The following ZBTB42 variants were observed in gnomAD, a reference collection of about 807,000 sequenced individuals.
ZBTB42 encodes zinc finger and BTB domain containing 42, also known as zinc finger and BTB domain-containing protein 42.
ZBTB42 carries 3 observed loss-of-function variants against 4.7 expected under a neutral mutation model. The ratio of observed to expected loss-of-function variants is 0.64; its 90% CI spans 0.29 to 1.66. ZBTB42 has a LOEUF of 1.66. Ranked by LOEUF, ZBTB42 falls within the 40% of genes most tolerant of loss-of-function variation. ZBTB42 has a pLI of 0.10. For missense variants in ZBTB42, 521 were observed against 577.1 expected, an observed-to-expected ratio of 0.90 and a Z score of 1.00; for synonymous variants, 255 against 259.5, an observed-to-expected ratio of 0.98 and a Z score of 0.17.
In ZBTB42 at chr14:104,802,278, C is replaced by T; in HGVS notation, c.1081C>T (p.Pro361Ser). The part of the protein sequence containing the change: ...RHERTHSGEK[P>S]YTCVQCGKSF... Reference sequence around the variant, plus strand: ...CGAGCGGACACACTCGGGTGAGAAGCCCTATACGTGTGTGCAGTGTGGCAA... The same window carrying T: ...CGAGCGGACACACTCGGGTGAGAAGTCCTATACGTGTGTGCAGTGTGGCAA... Residue 361 changes from proline (P) to serine (S), a missense_variant, in exon 1 of 1, where the codon CCC becomes TCC. Transcript: ENST00000342537. This position sits in a 1 kb window ranked among gnomAD's most constrained non-coding sequence, Gnocchi z 5.9. The T allele has an allele frequency of 6.4e-7, 1 of 1,550,398 alleles. No homozygotes were observed. The highest frequency in any genetic ancestry group is 8.7e-7 in the Non-Finnish European group (1 of 1,146,976).
chr14:104,801,572 G>C lies in ZBTB42; in HGVS notation c.375G>C (p.Leu125=). 1 of 1,549,928 alleles carries C rather than the reference G, an allele frequency of 6.5e-7. No homozygotes were observed. The highest frequency in any genetic ancestry group is 8.7e-7 in the Non-Finnish European group (1 of 1,146,670). Residue 125 remains leucine (L), a synonymous_variant, in exon 1 of 1, where the codon CTG becomes CTC. Coordinates refer to ENST00000342537, the MANE Select transcript of ZBTB42 (RefSeq NM_001137601.3). The surrounding 1 kb of genome is among the most constrained non-coding windows in gnomAD (Gnocchi z 4.4). ...GGCTCCAGGAGAAGGATCGAAGTCTGGACCCGGGGAACCCTGCCCCTGGGG... is the reference window on the plus strand; with the variant it reads ...GGCTCCAGGAGAAGGATCGAAGTCTCGACCCGGGGAACCCTGCCCCTGGGG... ...KGRLQEKDRS[L]DPGNPAPGAE...
chr14:104,801,919 GC>G lies in ZBTB42; in HGVS notation c.727del (p.His243ThrfsTer107). On this transcript the variant is annotated frameshift_variant, in exon 1 of 1. Coordinates refer to ENST00000342537, the MANE Select transcript of ZBTB42 (RefSeq NM_001137601.3). LOFTEE classifies it low-confidence loss of function (END_TRUNC). The surrounding 1 kb of genome is among the most constrained non-coding windows in gnomAD (Gnocchi z 4.4). Reference sequence around the variant, plus strand: ...CAGGAGGAGAGCAGCAGCTCTAGGAGCCCCCACAGTCCCCCGAAGCCACCTC... The same window carrying G: ...CAGGAGGAGAGCAGCAGCTCTAGGAGCCCCACAGTCCCCCGAAGCCACCTC... The part of the protein sequence containing the change: ...SEQEESSSSR[S>X]PHSPPKPPPV... 1 of 1,542,760 alleles carries G rather than the reference GC, an allele frequency of 6.5e-7. No individual in the cohort carries two copies. The highest frequency in any genetic ancestry group is 8.7e-7 in the Non-Finnish European group (1 of 1,145,204).
upstream of ZBTB42, chr14:104,801,030 T>C (rs1894028827): frequency 1.2e-6 from 1 of 837,050 alleles, no homozygotes; most frequent in South Asian, 2.8e-5. This position sits in a 1 kb window ranked among gnomAD's most constrained non-coding sequence, Gnocchi z 4.4. Context: ...TTCGATCGAG[T>C]TTTTCCTGCT....
In ZBTB42 at chr14:104,802,480, G is replaced by T; in HGVS notation, c.*14G>T. On this transcript the variant is annotated 3_prime_UTR_variant, in exon 1 of 1. Coordinates refer to ENST00000342537, the MANE Select transcript of ZBTB42 (RefSeq NM_001137601.3). The surrounding 1 kb of genome is among the most constrained non-coding windows in gnomAD (Gnocchi z 5.9). ...CTTCTGGTGTGATGCATCCCTGTGGGTCCTGAGGGTGGGGTGGAAGGGAAG... is the reference window on the plus strand; with the variant it reads ...CTTCTGGTGTGATGCATCCCTGTGGTTCCTGAGGGTGGGGTGGAAGGGAAG... 6.5e-7 allele frequency: 1 copy of T among 1,542,028 alleles called. No homozygotes were observed. Among genetic ancestry groups the T allele is most frequent in the Non-Finnish European group, 8.8e-7 (1 of 1,141,434 alleles).
rs1458380738 is a variant in ZBTB42 at position 104,801,857 on chromosome 14, G to C, written c.660G>C (p.Gln220His). The C allele has an allele frequency of 1.9e-6, 3 of 1,550,050 alleles. No individual in the cohort carries two copies. The highest frequency in any genetic ancestry group is 2.6e-6 in the Non-Finnish European group (3 of 1,146,898). Residue 220 changes from glutamine to histidine, a missense_variant, in exon 1 of 1, where the codon CAG (glutamine) becomes CAC (histidine). Gln to His is a conservative substitution (Grantham distance 24). Transcript: ENST00000342537. The surrounding 1 kb of genome is among the most constrained non-coding windows in gnomAD (Gnocchi z 4.4). ...PLCSQRQPGA[Q>H]PLVKDERDSL... ...GCAGCCAGAGGCAGCCAGGGGCCCA[G>C]CCACTGGTGAAGGACGAACGGGACT...
rs1313082618 is a variant in ZBTB42 at position 104,801,701 on chromosome 14, C to G, written c.504C>G (p.Leu168=). ...KLPPFGVKAA[L]PPRASGPPPC... is the part of the protein sequence containing the mutation. Reference sequence around the variant, plus strand: ...CCCCGTTTGGGGTCAAGGCTGCCCTCCCTCCTCGAGCATCTGGGCCTCCTC... The same window carrying G: ...CCCCGTTTGGGGTCAAGGCTGCCCTGCCTCCTCGAGCATCTGGGCCTCCTC... The change falls in exon 1 of 1, where the codon CTC becomes CTG. Residue 168 remains leucine (L), a synonymous_variant. Transcript: ENST00000342537. The surrounding 1 kb of genome is among the most constrained non-coding windows in gnomAD (Gnocchi z 4.4). 1 of 1,550,236 alleles carries G rather than the reference C, an allele frequency of 6.5e-7. No homozygotes were observed. Among genetic ancestry groups the G allele is most frequent in the Non-Finnish European group, 8.7e-7 (1 of 1,146,926 alleles).
At position 104,802,168 on chromosome 14, in the gene ZBTB42, G is replaced by C. The variant is rs773523437; in HGVS notation, c.971G>C (p.Arg324Pro). 7.8e-6 allele frequency: 12 copies of C among 1,548,308 alleles called. No individual in the cohort carries two copies. Among genetic ancestry groups the C allele is most frequent in the Non-Finnish European group, 1.0e-5 (12 of 1,146,778 alleles). The change falls in exon 1 of 1, where the codon CGG becomes CCG. Residue 324 changes from arginine to proline, a missense_variant. By Grantham distance (103) the Arg-to-Pro change is moderately radical. Coordinates refer to ENST00000342537, the MANE Select transcript of ZBTB42 (RefSeq NM_001137601.3). The surrounding 1 kb of genome is among the most constrained non-coding windows in gnomAD (Gnocchi z 5.9). ...CACTTCCGTGAGCGAGACAGCACCC[G>C]GGCCCGGCTCTCACCCGACGGCGTG... is the stretch of plus-strand genomic sequence containing the variant. ...SAHFRERDST[R>P]ARLSPDGVAP...
chr14:104,801,070 G>T (rs1254802298), upstream of ZBTB42: 7 of 1,258,006 alleles, frequency 5.6e-6, no homozygotes, highest in Non-Finnish European at 6.2e-6. The surrounding 1 kb of genome is among the most constrained non-coding windows in gnomAD (Gnocchi z 4.4). Flanking sequence ...GGCTCTGGAC[G>T]GGAGGTTGCG....
In ZBTB42 at chr14:104,801,504, A is replaced by T; in HGVS notation, c.307A>T (p.Ser103Cys). 1 of 1,550,184 alleles carries T rather than the reference A, an allele frequency of 6.5e-7. No individual in the cohort carries two copies. The highest frequency in any genetic ancestry group is 8.7e-7 in the Non-Finnish European group (1 of 1,146,902). Residue 103 changes from serine to cysteine, a missense_variant, in exon 1 of 1, where the codon AGC becomes TGC. By Grantham distance (112) the Ser-to-Cys change is moderately radical. Coordinates refer to ENST00000342537, the MANE Select transcript of ZBTB42 (RefSeq NM_001137601.3). The surrounding 1 kb of genome is among the most constrained non-coding windows in gnomAD (Gnocchi z 4.4). Reference protein sequence around the residue: ...LPVEDVLAAASYLHMYDIVKV... With the variant: ...LPVEDVLAAACYLHMYDIVKV... ...TGTGGAGGACGTCCTGGCAGCCGCC[A>T]GCTACCTGCACATGTATGACATCGT... is the stretch of plus-strand genomic sequence containing the variant.
In ZBTB42 at chr14:104,802,257, C is replaced by T. The variant is rs1894063906; in HGVS notation, c.1060C>T (p.Arg354Trp). Reference protein sequence around the residue: ...SCTYTLKRHERTHSGEKPYTC... With the variant: ...SCTYTLKRHEWTHSGEKPYTC... ...CACATACACACTGAAGAGGCACGAG[C>T]GGACACACTCGGGTGAGAAGCCCTA... The change falls in exon 1 of 1, where the codon CGG (arginine) becomes TGG (tryptophan). Residue 354 changes from arginine to tryptophan, a missense_variant. By Grantham distance (101) the Arg-to-Trp change is moderately radical. Coordinates refer to ENST00000342537, the MANE Select transcript of ZBTB42 (RefSeq NM_001137601.3). The surrounding 1 kb of genome is among the most constrained non-coding windows in gnomAD (Gnocchi z 5.9). 5 of 1,550,214 alleles carry T rather than the reference C, an allele frequency of 3.2e-6. No homozygotes were observed. Among genetic ancestry groups the T allele is most frequent in the South Asian group, 1.2e-5 (1 of 84,066 alleles).
rs1359182743 is a variant in ZBTB42 at position 104,801,679 on chromosome 14, C to T, written c.482C>T (p.Pro161Leu). 3.9e-6 allele frequency: 6 copies of T among 1,550,306 alleles called. No individual in the cohort carries two copies. The highest frequency in any genetic ancestry group is 5.2e-6 in the Non-Finnish European group (6 of 1,146,930). Residue 161 changes from proline to leucine, a missense_variant, in exon 1 of 1, where the codon CCG becomes CTG. Coordinates refer to ENST00000342537, the MANE Select transcript of ZBTB42 (RefSeq NM_001137601.3). This position sits in a 1 kb window ranked among gnomAD's most constrained non-coding sequence, Gnocchi z 4.4. ...CPAARKAKLP[P>L]FGVKAALPPR... ...GCTGCCCGAAAGGCCAAGCTCCCCC[C>T]GTTTGGGGTCAAGGCTGCCCTCCCT... is the stretch of plus-strand genomic sequence containing the variant.
rs1451144032 is a variant in ZBTB42, at chr14:104,803,856, C to G, written c.*1390C>G. ...AATGGCCTTGACAACAGAGTCCAGC[C>G]AAGTCTACGTTATTTTCTCATCTCC... On this transcript the variant is annotated 3_prime_UTR_variant, in exon 1 of 1. Transcript: ENST00000342537. 6.0e-6 allele frequency: 1 copy of G among 166,836 alleles called. No homozygotes were observed. Among genetic ancestry groups the G allele is most frequent in the Non-Finnish European group, 1.5e-5 (1 of 68,116 alleles). The allele number at this position is 166,836 out of a possible 1,614,324, so 10.3% of individuals were successfully genotyped here.
chr14:104,801,923 C>T lies in ZBTB42; in HGVS notation c.726C>T (p.Pro242=), dbSNP rs1473270971. 1.3e-6 allele frequency: 2 copies of T among 1,540,060 alleles called. No individual in the cohort carries two copies. Among genetic ancestry groups the T allele is most frequent in the South Asian group, 1.2e-5 (1 of 83,808 alleles). ...AGGAGAGCAGCAGCTCTAGGAGCCC[C>T]CACAGTCCCCCGAAGCCACCTCCTG... ...EQEESSSSRS[P]HSPPKPPPVP... is the part of the protein sequence containing the mutation. The change falls in exon 1 of 1, where the codon CCC becomes CCT. Residue 242 remains proline, a synonymous_variant. Transcript: ENST00000342537. This position sits in a 1 kb window ranked among gnomAD's most constrained non-coding sequence, Gnocchi z 4.4.
At position 104,801,550 on chromosome 14, in the gene ZBTB42, T is replaced by C. The variant is rs1894042361; in HGVS notation, c.353T>C (p.Leu118Pro). Residue 118 changes from leucine to proline, a missense_variant, in exon 1 of 1, where the codon CTC becomes CCC. Leu to Pro is a moderately conservative substitution (Grantham distance 98, BLOSUM62 -3). Transcript: ENST00000342537. The surrounding 1 kb of genome is among the most constrained non-coding windows in gnomAD (Gnocchi z 4.4). The part of the protein sequence containing the change: ...YDIVKVCKGR[L>P]QEKDRSLDPG... ...ATCGTCAAGGTCTGCAAGGGCAGGC[T>C]CCAGGAGAAGGATCGAAGTCTGGAC... 1 of 1,549,944 alleles carries C rather than the reference T, an allele frequency of 6.5e-7. No individual in the cohort carries two copies. Among genetic ancestry groups the C allele is most frequent in the Non-Finnish European group, 8.7e-7 (1 of 1,146,868 alleles).
rs898066704 is a variant in ZBTB42 at position 104,801,577 on chromosome 14, C to T, written c.380C>T (p.Pro127Leu). The T allele has an allele frequency of 7.1e-6, 11 of 1,549,786 alleles. No individual in the cohort carries two copies. The highest frequency in any genetic ancestry group is 9.6e-6 in the Non-Finnish European group (11 of 1,146,594). Residue 127 changes from proline to leucine, a missense_variant, in exon 1 of 1, where the codon CCG becomes CTG. Pro to Leu is a moderately conservative substitution (Grantham distance 98, BLOSUM62 -3). Coordinates refer to ENST00000342537, the MANE Select transcript of ZBTB42 (RefSeq NM_001137601.3). The surrounding 1 kb of genome is among the most constrained non-coding windows in gnomAD (Gnocchi z 4.4). ...CAGGAGAAGGATCGAAGTCTGGACC[C>T]GGGGAACCCTGCCCCTGGGGCAGAA... ...RLQEKDRSLD[P>L]GNPAPGAEPA...
In ZBTB42 at chr14:104,801,123, G is replaced by T. The variant is rs993556146; in HGVS notation, c.-75G>T. 2 of 1,376,716 alleles carry T rather than the reference G, an allele frequency of 1.5e-6. No individual in the cohort carries two copies. Among genetic ancestry groups the T allele is most frequent in the South Asian group, 1.7e-5 (1 of 59,636 alleles). The allele number at this position is 1,376,716 out of a possible 1,614,324, so 85.3% of individuals were successfully genotyped here. ...GCTCTTTCCGCGCTGCCTGCAGCCGGGAAGGGCGCTTCGTGGGCGCCTCCA... is the reference window on the plus strand; with the variant it reads ...GCTCTTTCCGCGCTGCCTGCAGCCGTGAAGGGCGCTTCGTGGGCGCCTCCA... On this transcript the variant is annotated 5_prime_UTR_variant, in exon 1 of 1. Coordinates refer to ENST00000342537, the MANE Select transcript of ZBTB42 (RefSeq NM_001137601.3). This position sits in a 1 kb window ranked among gnomAD's most constrained non-coding sequence, Gnocchi z 4.4.
At position 104,803,039 on chromosome 14, in the gene ZBTB42, G is replaced by A. The variant is rs1894086802; in HGVS notation, c.*573G>A. ...GCCTGGGGCACAGTGAGTGCCAGCA[G>A]GGGCCATCTGGGCACAGCTGGTGTC... is the stretch of plus-strand genomic sequence containing the variant. On this transcript the variant is annotated 3_prime_UTR_variant, in exon 1 of 1. Coordinates refer to ENST00000342537, the MANE Select transcript of ZBTB42 (RefSeq NM_001137601.3). The A allele has an allele frequency of 6.4e-6, 1 of 155,388 alleles. No homozygotes were observed. The highest frequency in any genetic ancestry group is 1.6e-5 in the Non-Finnish European group (1 of 64,318). 9.6% of individuals were successfully genotyped at this position (155,388 alleles called of 1,614,324 possible). A position where few individuals can be genotyped will look rare whatever the true frequency, so the allele number is the denominator to read the frequency against.
rs3803299 is a variant in ZBTB42, at chr14:104,804,556, G to A, written c.*2090G>A. ...GCGTGGGGGTCTCCTGGGCCAGCTC[G>A]GCACCTGTGGGTGCTCTGACCCTGG... On this transcript the variant is annotated 3_prime_UTR_variant, in exon 1 of 1. Transcript: ENST00000342537. The A allele has an allele frequency of 1.5e-3, 249 of 166,988 alleles. 1 individual carries two copies. Among genetic ancestry groups the A allele is most frequent in the East Asian group, 0.013 (70 of 5,186 alleles). The allele number at this position is 166,988 out of a possible 1,614,324, so 10.3% of individuals were successfully genotyped here. A position where few individuals can be genotyped will look rare whatever the true frequency, so the allele number is the denominator to read the frequency against.
chr14:104,804,234 G>A lies in ZBTB42; in HGVS notation c.*1768G>A, dbSNP rs1245629247. The A allele has an allele frequency of 6.0e-6, 1 of 166,790 alleles. No homozygotes were observed. Among genetic ancestry groups the A allele is most frequent in the African/African-American group, 2.4e-5 (1 of 41,400 alleles). The allele number at this position is 166,790 out of a possible 1,614,324, so 10.3% of individuals were successfully genotyped here. A position where few individuals can be genotyped will look rare whatever the true frequency, so the allele number is the denominator to read the frequency against. The stretch of plus-strand genomic sequence containing the variant: ...AGCCAACCCGGCACCCCGTAGATGG[G>A]CAGCTACACTGCCACCCAAGCACGG... On this transcript the variant is annotated 3_prime_UTR_variant, in exon 1 of 1. Transcript: ENST00000342537.
Sources: allele counts gnomAD v4.1 joint callset, GRCh38; gene constraint gnomAD v4.1.1; non-coding constraint Gnocchi (gnomAD v3.1); transcripts MANE v1.5; gene names NCBI Gene and HGNC (gene_info 2026-07-23, HGNC 2026-07-21).